The following TC2N variants were observed in gnomAD, a reference collection of about 807,000 sequenced individuals.
TC2N encodes tandem C2 domains, nuclear.
Under a neutral mutation model 61.9 loss-of-function variants are expected in TC2N, and 51 were observed. The ratio of observed to expected loss-of-function variants is 0.82; its 90% CI spans 0.66 to 1.04. TC2N has a LOEUF of 1.04. Among genes scored for constraint, TC2N ranks in the 50% least tolerant of loss-of-function variants. The probability of loss-of-function intolerance (pLI) is 0.00; values close to 1 mark genes in which losing one functional copy is unlikely to be tolerated. For missense variants in TC2N, 556 were observed against 566.7 expected, an observed-to-expected ratio of 0.98 and a Z score of 0.19; for synonymous variants, 204 against 192.6, an observed-to-expected ratio of 1.06 and a Z score of -0.49.
In TC2N at chr14:91,787,606, A is replaced by C; in HGVS notation, c.1069T>G (p.Leu357Val). The change falls in exon 10 of 12, where the codon TTG becomes GTG. Residue 357 changes from leucine (L) to valine (V), a missense_variant. Coordinates refer to ENST00000435962, the MANE Select transcript of TC2N (RefSeq NM_001128596.3). ...KISVCHAELE[L>V]GTCFQAVNSR... ...TTTACTGCTTGAAAACAAGTCCCCA[A>C]TTCAAGTTCTGCATGGCAAACCTGC... The C allele has an allele frequency of 6.2e-7, 1 of 1,611,110 alleles. No individual in the cohort carries two copies. Among genetic ancestry groups the C allele is most frequent in the South Asian group, 1.1e-5 (1 of 90,478 alleles).
chr14:91,810,821 A>G (rs1886728829), intron 3 of TC2N, among the ~76,000 whole-genome samples: 1 of 152,080 alleles, frequency 6.6e-6, no homozygotes. Context: ...AACTTGAAAA[A>G]AAGATCAATA....
At chr14:91,843,986 G>A (rs1372284402) in intron 1 of TC2N, among the ~76,000 whole-genome samples, 2 of 152,066 alleles carry the variant, frequency 1.3e-5, no homozygotes, top group African/African-American at 4.8e-5. Flanking sequence ...GATAGTTTTT[G>A]AGGAAATGTG....
chr14:91,853,500 A>T (rs931599605), intron 1 of TC2N, among the ~76,000 whole-genome samples: 2 of 152,192 alleles, frequency 1.3e-5, no homozygotes, highest in Admixed American at 6.5e-5. Flanking sequence ...CAGGTAAGTG[A>T]TTACAAACTA....
intron 1 of TC2N, among the ~76,000 whole-genome samples, chr14:91,852,253 C>A (rs536290227): frequency 1.3e-5 from 2 of 152,308 alleles, no homozygotes; most frequent in East Asian, 3.9e-4. Context: ...CATGGAGAAA[C>A]CCCGTCTCTA....
chr14:91,833,746 T>C (rs1319255638), intron 1 of TC2N, among the ~76,000 whole-genome samples: 1 of 152,166 alleles, frequency 6.6e-6, no homozygotes, highest in African/African-American at 2.4e-5. Flanking sequence ...TCGCAGACAA[T>C]GCCAAAAAGT....
chr14:91,829,589 T>C (rs994623352), intron 1 of TC2N, among the ~76,000 whole-genome samples: 4 of 152,164 alleles, frequency 2.6e-5, no homozygotes, highest in African/African-American at 9.6e-5. Flanking sequence ...TGAACATATC[T>C]TTAAATCTGT....
Position 91,783,202 on chromosome 14 carries a change from T to C in TC2N, c.1371A>G (p.Ile457Met), listed in dbSNP as rs368943641. 4 of 1,584,738 alleles carry C rather than the reference T, an allele frequency of 2.5e-6. No individual in the cohort carries two copies. The highest frequency in any genetic ancestry group is 3.5e-6 in the Non-Finnish European group (4 of 1,155,256). Residue 457 changes from isoleucine to methionine, a missense_variant, in exon 12 of 12, where the codon ATA (isoleucine) becomes ATG (methionine). Ile to Met is a conservative substitution (Grantham distance 10). Coordinates refer to ENST00000435962, the MANE Select transcript of TC2N (RefSeq NM_001128596.3). ...CTTCAATGTTATTACTGTCTTCACTTATCCAAATCTGTAAAGGAAAGTATG... is the reference window on the plus strand; with the variant it reads ...CTTCAATGTTATTACTGTCTTCACTCATCCAAATCTGTAAAGGAAAGTATG... ...RRKHFVGQIW[I>M]SEDSNNIEAV...
intron 1 of TC2N, among the ~76,000 whole-genome samples, chr14:91,824,666 G>C (rs575401522): frequency 6.6e-6 from 1 of 152,188 alleles, no homozygotes; most frequent in Non-Finnish European, 1.5e-5. Context: ...CTTTTGGAGC[G>C]CTTACAACAG....
At chr14:91,858,345 A>G (rs548095953) in intron 1 of TC2N, among the ~76,000 whole-genome samples, 179 of 152,112 alleles carry the variant, frequency 1.2e-3, no homozygotes, top group Non-Finnish European at 1.7e-3. Context: ...TGACATCGAC[A>G]TCTTCAGCAG....
At chr14:91,862,856 A>C (rs574969806) in intron 1 of TC2N, among the ~76,000 whole-genome samples, 10 of 152,362 alleles carry the variant, frequency 6.6e-5, no homozygotes, top group African/African-American at 2.4e-4. Flanking sequence ...GGCCCTAACA[A>C]GATAACACAT....
At chr14:91,861,910 G>A (rs1888596598) in intron 1 of TC2N, among the ~76,000 whole-genome samples, 1 of 54,978 alleles carries the variant, frequency 1.8e-5, no homozygotes. Context: ...CATGTCGTTG[G>A]AAAATATATA....
intron 1 of TC2N, among the ~76,000 whole-genome samples, chr14:91,826,144 C>T (rs190191444): frequency 6.6e-6 from 1 of 151,792 alleles, no homozygotes; most frequent in Non-Finnish European, 1.5e-5. Flanking sequence ...TATAGGGAGA[C>T]CCCTATCTCT....
chr14:91,787,687 A>C, intron 9 of TC2N, 60 bp from the exon 10 acceptor site: 1 of 978,692 alleles, frequency 1.0e-6, no homozygotes, highest in Non-Finnish European at 1.5e-6. Flanking sequence ...ACAATTCAAA[A>C]ATTAAAAGAT....
rs1374845274 is a variant in TC2N at position 91,782,867 on chromosome 14, T to A, written c.*233A>T. ...TTAGTCATCCTAATAATACTTTGATTTTACTGTCTGTGTCTCTTGTTGCAG... is the reference window on the plus strand; with the variant it reads ...TTAGTCATCCTAATAATACTTTGATATTACTGTCTGTGTCTCTTGTTGCAG... On this transcript the variant is annotated 3_prime_UTR_variant, in exon 12 of 12. Coordinates refer to ENST00000435962, the MANE Select transcript of TC2N (RefSeq NM_001128596.3). The A allele has an allele frequency of 7.1e-6, 3 of 425,396 alleles. No individual in the cohort carries two copies. The highest frequency in any genetic ancestry group is 4.1e-5 in the African/African-American group (2 of 48,646). 26.4% of individuals were successfully genotyped at this position (425,396 alleles called of 1,614,324 possible).
chr14:91,843,291 C>T (rs1888199300), intron 1 of TC2N, among the ~76,000 whole-genome samples: 1 of 152,028 alleles, frequency 6.6e-6, no homozygotes, highest in African/African-American at 2.4e-5. Context: ...ACATGTCCTC[C>T]CACCATGATT....
chr14:91,798,487 C>T (rs1886035436), intron 6 of TC2N, 88 bp from the exon 7 acceptor site: 1 of 726,256 alleles, frequency 1.4e-6, no homozygotes, highest in South Asian at 1.7e-5. Flanking sequence ...TTTAAGAGCA[C>T]AATTTTAAAA....
At chr14:91,848,051 T>C (rs36087206) in intron 1 of TC2N, among the ~76,000 whole-genome samples, 18,164 of 152,268 alleles carry the variant, frequency 0.12, 1,336 homozygotes, top group East Asian at 0.2. Context: ...TAAGAGAAAG[T>C]AACTTTCCAA....
At chr14:91,801,029 C>T (rs954404671) in intron 4 of TC2N, among the ~76,000 whole-genome samples, 56 of 150,750 alleles carry the variant, frequency 3.7e-4, no homozygotes, top group African/African-American at 1.4e-3. Context: ...TATATACACA[C>T]ACATATGTAT....
chr14:91,833,609 C>A (rs1261017890), intron 1 of TC2N, among the ~76,000 whole-genome samples: 1 of 152,078 alleles, frequency 6.6e-6, no homozygotes, highest in Non-Finnish European at 1.5e-5. Context: ...TTGGATCCAT[C>A]CCTCCTTACT....
Sources: allele counts gnomAD v4.1 joint callset (sites outside exome capture counted in the v4.1 genomes callset), GRCh38; gene constraint gnomAD v4.1.1; transcripts MANE v1.5; gene names NCBI Gene and HGNC (gene_info 2026-07-23, HGNC 2026-07-21).